ADK: variants seen among roughly 807,000 people sequenced by gnomAD.
The protein encoded by ADK is N6,N6-dimethyladenosine kinase.
Under a neutral mutation model 44.7 loss-of-function variants are expected in ADK, and 24 were observed. That is an observed-to-expected ratio of 0.54 (90% CI 0.39 to 0.76). The LOEUF is 0.76. ADK is among the 30% of genes least tolerant of loss of function. ADK has a pLI of 0.00. For missense variants in ADK, 321 were observed against 425.1 expected (o/e 0.76, Z 2.15); for synonymous variants, 128 against 142.6 (o/e 0.90, Z 0.73).
intron 9 of ADK, among the ~76,000 whole-genome samples, chr10:74,649,107 G>A (rs532480004): frequency 5.3e-5 from 8 of 152,042 alleles, no homozygotes; most frequent in Admixed American, 1.3e-4. Flanking sequence ...CTTGAACCCC[G>A]GAGGTAGGGG....
At chr10:74,590,042 GT>G (rs952435740) in intron 8 of ADK, among the ~76,000 whole-genome samples, 1 of 152,130 alleles carries the variant, frequency 6.6e-6, no homozygotes, top group African/African-American at 2.4e-5. Flanking sequence ...AGATAACCGT[GT>G]TTTTTATCTG....
At chr10:74,224,953 C>T (rs2132245959) in intron 3 of ADK, among the ~76,000 whole-genome samples, 1 of 152,314 alleles carries the variant, frequency 6.6e-6, no homozygotes, top group Admixed American at 6.5e-5. Flanking sequence ...TAAATTGTCA[C>T]TCTTAATTTT....
chr10:74,605,396 G>A (rs528757400), intron 9 of ADK, among the ~76,000 whole-genome samples: 22 of 152,094 alleles, frequency 1.4e-4, no homozygotes, highest in Non-Finnish European at 1.8e-4. Flanking sequence ...TAAATAGTTC[G>A]TATTATTTTA....
chr10:74,705,680 T>G (rs1856579320), intron 10 of ADK, among the ~76,000 whole-genome samples: 1 of 152,260 alleles, frequency 6.6e-6, no homozygotes, highest in Admixed American at 6.5e-5. Flanking sequence ...GATCATATGA[T>G]ATGCACATGT....
At chr10:74,204,653 A>G (rs1843523035) in intron 2 of ADK, among the ~76,000 whole-genome samples, 2 of 152,222 alleles carry the variant, frequency 1.3e-5, no homozygotes, top group Non-Finnish European at 2.9e-5. Flanking sequence ...GTCAGAAAAT[A>G]CTACTATATA....
intron 3 of ADK, among the ~76,000 whole-genome samples, chr10:74,240,006 T>C (rs1845139148): frequency 6.8e-6 from 1 of 146,380 alleles, no homozygotes; most frequent in South Asian, 2.1e-4. Flanking sequence ...TTTCATTTCT[T>C]TGCACAGCTT....
intron 10 of ADK, among the ~76,000 whole-genome samples, chr10:74,706,739 C>T (rs1174326521): frequency 6.6e-6 from 1 of 152,030 alleles, no homozygotes; most frequent in Admixed American, 6.6e-5. Flanking sequence ...CTTTGAATTT[C>T]CATATAAATT....
chr10:74,458,299 GTT>G (rs376118678), intron 6 of ADK, among the ~76,000 whole-genome samples: 2 of 79,020 alleles, frequency 2.5e-5, no homozygotes, highest in Non-Finnish European at 5.1e-5. Flanking sequence ...CCCAGGTTTT[GTT>G]TTTTTTTTTT....
chr10:74,663,220 G>A (rs1185298862), intron 9 of ADK, among the ~76,000 whole-genome samples: 1 of 133,754 alleles, frequency 7.5e-6, no homozygotes, highest in Non-Finnish European at 1.6e-5. Flanking sequence ...ATGCAACAGA[G>A]CAAGATGCTA....
At chr10:74,315,993 T>A (rs895221052) in intron 4 of ADK, among the ~76,000 whole-genome samples, 4 of 152,060 alleles carry the variant, frequency 2.6e-5, no homozygotes, top group African/African-American at 9.7e-5. Context: ...ATCCCAGCAC[T>A]TTGGGAAGCC....
intron 7 of ADK, among the ~76,000 whole-genome samples, chr10:74,541,797 C>CT (rs1357388400): frequency 3.2e-5 from 4 of 125,006 alleles, no homozygotes; most frequent in Admixed American, 1.6e-4. Context: ...CCCACACACC[C>CT]CCCCCCCCTA....
intron 1 of ADK, among the ~76,000 whole-genome samples, chr10:74,163,261 C>T (rs760492392): frequency 2.0e-5 from 3 of 152,236 alleles, no homozygotes; most frequent in Admixed American, 6.5e-5. Flanking sequence ...CCACTGTGCC[C>T]GGCCAACAGT....
chr10:74,542,376 A>G (rs1343023632), intron 7 of ADK, among the ~76,000 whole-genome samples: 1 of 152,236 alleles, frequency 6.6e-6, no homozygotes, highest in Admixed American at 6.5e-5. Flanking sequence ...TTACACAATA[A>G]TAACTAATAT....
At chr10:74,405,323 A>G (rs1033733931) in intron 6 of ADK, among the ~76,000 whole-genome samples, 1 of 150,892 alleles carries the variant, frequency 6.6e-6, no homozygotes, top group African/African-American at 2.4e-5. Context: ...GCCACCAAGC[A>G]TTACCACCTG....
chr10:74,547,487 T>TA (rs1470940579), intron 7 of ADK, among the ~76,000 whole-genome samples: 20 of 132,646 alleles, frequency 1.5e-4, no homozygotes, highest in East Asian at 6.0e-4. Flanking sequence ...TTTTATTATT[T>TA]TTTTTTTTTT....
chr10:74,548,975 C>T (rs1389293992), intron 7 of ADK, among the ~76,000 whole-genome samples: 1 of 152,180 alleles, frequency 6.6e-6, no homozygotes, highest in Non-Finnish European at 1.5e-5. Flanking sequence ...CATTAAGTGA[C>T]TGTTATGTGC....
At chr10:74,696,645 C>G (rs769073680) in intron 10 of ADK, among the ~76,000 whole-genome samples, 5 of 152,148 alleles carry the variant, frequency 3.3e-5, no homozygotes, top group Admixed American at 6.5e-5. Flanking sequence ...ACTGGGATTA[C>G]AGGCATGAGT....
At chr10:74,573,668 G>A (rs950092533) in intron 7 of ADK, among the ~76,000 whole-genome samples, 2 of 152,214 alleles carry the variant, frequency 1.3e-5, no homozygotes, top group East Asian at 3.9e-4. Flanking sequence ...CCCAGTTGGA[G>A]CTTCCTGGCT....
At chr10:74,602,930 T>C (rs1852191674) in intron 9 of ADK, among the ~76,000 whole-genome samples, 1 of 152,230 alleles carries the variant, frequency 6.6e-6, no homozygotes, top group Non-Finnish European at 1.5e-5. Context: ...CGGCTTGATC[T>C]TTCATTTCAT....
Sources: gnomAD v4.1 joint callset for allele counts (sites outside exome capture counted in the v4.1 genomes callset) on GRCh38, gnomAD v4.1.1 for gene constraint, MANE v1.5 for transcripts, NCBI Gene and HGNC (gene_info 2026-07-23, HGNC 2026-07-21) for gene names.